The following LAMA2 variants were observed in gnomAD, a reference collection of about 807,000 sequenced individuals.
LAMA2 encodes the protein laminin subunit alpha 2, also known as laminin subunit alpha-2.
LAMA2 carries 269 observed loss-of-function variants against 364.8 expected under a neutral mutation model. The observed-to-expected ratio is 0.74, with a 90% CI of 0.67 to 0.82. The LOEUF (loss-of-function observed/expected upper bound fraction) is 0.82. Ranked by LOEUF, LAMA2 falls within the 40% of genes least tolerant of loss-of-function variation. The pLI is 0.00. For missense variants in LAMA2, 3,807 were observed against 3,873.2 expected (o/e 0.98, Z 0.45); for synonymous variants, 1,379 against 1,370.6 (o/e 1.01, Z -0.14).
intron 1 of LAMA2, among the ~76,000 whole-genome samples, chr6:128,946,900 A>T (rs1316962428): frequency 6.6e-6 from 1 of 152,228 alleles, no homozygotes; most frequent in African/African-American, 2.4e-5. Flanking sequence ...TCTATTTAAG[A>T]AGGTTGAGAG....
intron 1 of LAMA2, among the ~76,000 whole-genome samples, chr6:128,951,938 G>C (rs1562863927): frequency 6.6e-6 from 1 of 152,194 alleles, no homozygotes; most frequent in Non-Finnish European, 1.5e-5. Flanking sequence ...GCTTGTGCAG[G>C]AGGATCGCTT....
chr6:129,254,475 A>G (rs754134971), intron 14 of LAMA2, among the ~76,000 whole-genome samples: 6 of 152,214 alleles, frequency 3.9e-5, no homozygotes, highest in Non-Finnish European at 4.4e-5. Flanking sequence ...CTGCAAAAGC[A>G]CTTGGCTAGT....
At chr6:129,491,574 G>T (rs73776184) in intron 56 of LAMA2, among the ~76,000 whole-genome samples, 1 of 152,154 alleles carries the variant, frequency 6.6e-6, no homozygotes, top group Non-Finnish European at 1.5e-5. Context: ...ACCCTTATAC[G>T]GTTAGACATT....
intron 1 of LAMA2, among the ~76,000 whole-genome samples, chr6:129,016,576 A>G (rs908683218): frequency 6.6e-6 from 1 of 151,996 alleles, no homozygotes; most frequent in African/African-American, 2.4e-5. Context: ...GAAATTAGAC[A>G]TAAAAGAGTA....
intron 28 of LAMA2, among the ~76,000 whole-genome samples, chr6:129,327,991 C>A (rs1775402567): frequency 1.3e-5 from 2 of 152,064 alleles, no homozygotes; most frequent in Non-Finnish European, 2.9e-5. Context: ...AAACAAACAT[C>A]TTTTTCAAGA....
chr6:129,439,948 C>A (rs1308626386), intron 42 of LAMA2, among the ~76,000 whole-genome samples: 13 of 151,400 alleles, frequency 8.6e-5, no homozygotes, highest in Admixed American at 6.6e-4. Context: ...GGTATTCATA[C>A]AGATACAGAA....
chr6:128,926,513 T>G (rs778968179), intron 1 of LAMA2, among the ~76,000 whole-genome samples: 1 of 152,226 alleles, frequency 6.6e-6, no homozygotes, highest in Non-Finnish European at 1.5e-5. Context: ...ACTCTAATGC[T>G]TTAGTAGGCT....
chr6:129,512,504 G>T lies in LAMA2; in HGVS notation c.8988+11G>T, dbSNP rs1786676543. ...ATGATTGATGAAAAGGTGAGTGTCA[G>T]CAATGCAAACATTTCTGATTTCTTC... On this transcript the variant is annotated intron_variant, in intron 63 of 64. Transcript: ENST00000421865. 6.2e-7 allele frequency: 1 copy of T among 1,613,148 alleles called. No homozygotes were observed.
chr6:129,385,552 A>G (rs1778967927), intron 35 of LAMA2, among the ~76,000 whole-genome samples: 1 of 152,170 alleles, frequency 6.6e-6, no homozygotes, highest in South Asian at 2.1e-4. Context: ...TTATGTTTGG[A>G]TAGATGTACT....
At chr6:129,280,029 T>C (rs1562409534) in intron 17 of LAMA2, 32 bp from the exon 18 acceptor site, 2 of 1,420,148 alleles carry the variant, frequency 1.4e-6, no homozygotes, top group Non-Finnish European at 2.0e-6. Context: ...CCTTCTTCCT[T>C]GTCCCTGTTT....
Position 129,274,244 on chromosome 6 carries a change from T to G in LAMA2, c.2450+3493T>G, listed in dbSNP as rs73585547. ...CATTTTCATCTAACAACCTGAAATG[T>G]TTAAAAAAAAAATCACTAAACAAGA... is the stretch of plus-strand genomic sequence containing the variant. On this transcript the variant is annotated intron_variant, in intron 17 of 64. Coordinates refer to ENST00000421865, the MANE Select transcript of LAMA2 (RefSeq NM_000426.4). Among the ~76,000 whole-genome samples, 1,104 of 151,934 alleles carry G rather than the reference T, an allele frequency of 7.3e-3. 12 individuals are homozygous for G. The highest frequency in any genetic ancestry group is 0.026 in the African/African-American group (1,062 of 41,496).
intron 41 of LAMA2, among the ~76,000 whole-genome samples, chr6:129,431,650 C>T (rs1562558094): frequency 1.3e-5 from 2 of 151,916 alleles, no homozygotes; most frequent in Non-Finnish European, 2.9e-5. Context: ...AACTTCATAA[C>T]ATAAACTTTA....
intron 45 of LAMA2, among the ~76,000 whole-genome samples, chr6:129,449,812 T>C (rs892589665): frequency 6.7e-6 from 1 of 148,272 alleles, no homozygotes; most frequent in Admixed American, 6.7e-5. Flanking sequence ...TTTTTTTTTT[T>C]TTTTTTTTTG....
In LAMA2 at chr6:129,465,195, C is replaced by T. The variant is rs148313644; in HGVS notation, c.7206C>T (p.Tyr2402=). Residue 2402 remains tyrosine, a synonymous_variant, in exon 51 of 65, where the codon TAC becomes TAT. Transcript: ENST00000421865. ...ELTDGHIKVS[Y]DLGSGMASVV... is the part of the protein sequence containing the mutation. The stretch of plus-strand genomic sequence containing the variant: ...CTGATGGGCACATAAAAGTCAGTTA[C>T]GATCTGGGCTCAGGAATGGCTTCCG... The T allele has an allele frequency of 1.2e-4, 190 of 1,610,750 alleles. No individual in the cohort carries two copies. The highest frequency in any genetic ancestry group is 2.7e-4 in the African/African-American group (20 of 74,870).
At chr6:129,222,687 G>A (rs1381381095) in intron 12 of LAMA2, among the ~76,000 whole-genome samples, 2 of 151,770 alleles carry the variant, frequency 1.3e-5, no homozygotes, top group African/African-American at 2.4e-5. Flanking sequence ...CTTTTTTATG[G>A]CTGCATAGTA....
At chr6:129,166,796 C>T (rs1182966490) in intron 9 of LAMA2, among the ~76,000 whole-genome samples, 1 of 152,078 alleles carries the variant, frequency 6.6e-6, no homozygotes, top group Non-Finnish European at 1.5e-5. Context: ...TGTCATAATG[C>T]ATACAAAAAT....
At chr6:129,152,840 C>T (rs1226053504) in intron 7 of LAMA2, among the ~76,000 whole-genome samples, 1 of 152,114 alleles carries the variant, frequency 6.6e-6, no homozygotes, top group African/African-American at 2.4e-5. Context: ...ACCCTGTGTA[C>T]CCTTAGGGGA....
intron 1 of LAMA2, among the ~76,000 whole-genome samples, chr6:128,987,332 C>T (rs1048424487): frequency 6.6e-6 from 1 of 151,518 alleles, no homozygotes; most frequent in Admixed American, 6.6e-5. Context: ...TTGGTAGAGA[C>T]GGGTTTCACC....
At chr6:129,476,927 C>G (rs1162507664) in intron 53 of LAMA2, among the ~76,000 whole-genome samples, 1 of 152,138 alleles carries the variant, frequency 6.6e-6, no homozygotes, top group Non-Finnish European at 1.5e-5. Context: ...AAATAAATCA[C>G]CTGATATACA....
Sources: gnomAD v4.1 joint callset for allele counts (sites outside exome capture counted in the v4.1 genomes callset) on GRCh38, gnomAD v4.1.1 for gene constraint, MANE v1.5 for transcripts, NCBI Gene and HGNC (gene_info 2026-07-23, HGNC 2026-07-21) for gene names.